CHN2: variants seen among roughly 807,000 people sequenced by gnomAD.
CHN2 encodes chimerin 2, also known as beta-chimaerin.
A neutral mutation model predicts 56.3 loss-of-function variants in CHN2; 35 were observed. The observed-to-expected ratio is 0.62, with a 90% CI of 0.47 to 0.82. The LOEUF (loss-of-function observed/expected upper bound fraction) is 0.82. CHN2 is among the 40% of genes least tolerant of loss of function. The pLI, the probability that CHN2 is intolerant of heterozygous loss-of-function variation, is 0.00. For synonymous variants in CHN2, 210 were observed against 212.8 expected, an observed-to-expected ratio of 0.99 and a Z score of 0.12; for missense variants, 491 against 580.5, an observed-to-expected ratio of 0.85 and a Z score of 1.58.
At chr7:29,331,854 G>A (rs1451918328) in intron 1 of CHN2, among the ~76,000 whole-genome samples, 1 of 151,956 alleles carries the variant, frequency 6.6e-6, no homozygotes, top group Non-Finnish European at 1.5e-5. Context: ...GAGGTCAGGA[G>A]TTTGAGACCA....
At chr7:29,181,897 A>G (rs1798103612) in intron 2 of CHN2, among the ~76,000 whole-genome samples, 1 of 152,156 alleles carries the variant, frequency 6.6e-6, no homozygotes, top group Admixed American at 6.5e-5. Flanking sequence ...TTCATGGTGG[A>G]GGGAATATGG....
chr7:29,504,732 T>C lies in CHN2; in HGVS notation c.914-12T>C. 1 of 1,571,172 alleles carries C rather than the reference T, an allele frequency of 6.4e-7. No homozygotes were observed. The highest frequency in any genetic ancestry group is 8.7e-7 in the Non-Finnish European group (1 of 1,146,586). On this transcript the variant is annotated splice_polypyrimidine_tract_variant and intron_variant, in intron 9 of 12. Coordinates refer to ENST00000222792, the MANE Select transcript of CHN2 (RefSeq NM_004067.4). ...AGAAGCTAAAGTCAGTCTCTCTCTC[T>C]CTCTCTAACAGGATTAAAATCGGAA... is the stretch of plus-strand genomic sequence containing the variant.
At chr7:29,298,496 T>C (rs1282299262) in intron 1 of CHN2, among the ~76,000 whole-genome samples, 1 of 152,214 alleles carries the variant, frequency 6.6e-6, no homozygotes, top group Admixed American at 6.5e-5. Flanking sequence ...TCTTGTGACA[T>C]GCCCAGGTAA....
intron 12 of CHN2, among the ~76,000 whole-genome samples, chr7:29,510,516 G>A (rs985836608): frequency 2.0e-5 from 3 of 152,176 alleles, no homozygotes; most frequent in Admixed American, 6.5e-5. Context: ...GTTGTTGGCA[G>A]GATTCAGTTC....
In CHN2 at chr7:29,387,827, C is replaced by T. The variant is rs985251745; in HGVS notation, c.145-5852C>T. Among the ~76,000 whole-genome samples the T allele has an allele frequency of 3.9e-5, 6 of 152,228 alleles. No individual in the cohort carries two copies. The East Asian group carries it at 5.8e-4, about 15-fold the overall frequency. ...TCAGGTCCAATTAGATAGTAACTTT[C>T]GAATCTTTGGTAATATCACTGCATT... On this transcript the variant is annotated intron_variant, in intron 3 of 12. Transcript: ENST00000222792.
intron 7 of CHN2, among the ~76,000 whole-genome samples, chr7:29,490,989 A>T (rs1267027521): frequency 6.6e-6 from 1 of 152,142 alleles, no homozygotes; most frequent in Non-Finnish European, 1.5e-5. Flanking sequence ...AATCATTATG[A>T]TTGTGGATTT....
intron 1 of CHN2, among the ~76,000 whole-genome samples, chr7:29,261,475 C>T (rs972667752): frequency 9.2e-5 from 14 of 151,858 alleles, no homozygotes; most frequent in Admixed American, 2.6e-4. Flanking sequence ...TGAGCTCCTG[C>T]TTACCACCCT....
intron 1 of CHN2, among the ~76,000 whole-genome samples, chr7:29,353,689 CT>C (rs1798065388): frequency 6.6e-6 from 1 of 152,128 alleles, no homozygotes; most frequent in Admixed American, 6.5e-5. Flanking sequence ...CGAGGGTAGT[CT>C]AAGGGCAGGC....
At chr7:29,483,630 G>T (rs981044865) in intron 7 of CHN2, among the ~76,000 whole-genome samples, 1 of 152,190 alleles carries the variant, frequency 6.6e-6, no homozygotes, top group Non-Finnish European at 1.5e-5. Flanking sequence ...CGGTTATTTA[G>T]CTCATTTTAT....
chr7:29,298,962 G>A (rs1237334500), intron 1 of CHN2, among the ~76,000 whole-genome samples: 7 of 152,170 alleles, frequency 4.6e-5, no homozygotes, highest in Admixed American at 3.9e-4. Context: ...AGTGCAGCAA[G>A]GATAACTATT....
chr7:29,343,521 T>C (rs1797198969), intron 1 of CHN2, among the ~76,000 whole-genome samples: 1 of 152,122 alleles, frequency 6.6e-6, no homozygotes, highest in Admixed American at 6.5e-5. Context: ...CCATACCCCA[T>C]TGCAAGGTCA....
At chr7:29,302,790 C>A (rs774006070) in intron 1 of CHN2, among the ~76,000 whole-genome samples, 1 of 152,152 alleles carries the variant, frequency 6.6e-6, no homozygotes, top group African/African-American at 2.4e-5. Flanking sequence ...ACCTGGCAGC[C>A]ACCATTCTAC....
At chr7:29,233,210 A>G (rs1157543107) in intron 1 of CHN2, among the ~76,000 whole-genome samples, 1 of 152,220 alleles carries the variant, frequency 6.6e-6, no homozygotes, top group South Asian at 2.1e-4. Context: ...TTTCTCTATA[A>G]TAGTGATAAT....
chr7:29,384,130 A>T (rs1184386018), intron 3 of CHN2, among the ~76,000 whole-genome samples: 1 of 152,196 alleles, frequency 6.6e-6, no homozygotes, highest in African/African-American at 2.4e-5. Flanking sequence ...AGGCTGAGCC[A>T]TTAGGTGTGA....
chr7:29,195,629 A>AGAGAGAGAGAGG (rs869037854), intron 1 of CHN2, among the ~76,000 whole-genome samples: 2 of 117,504 alleles, frequency 1.7e-5, no homozygotes, highest in African/African-American at 3.6e-5. Context: ...AGAGAGAGAG[A>AGAGAGAGAGAGG]GTGTGTGTGT....
At chr7:29,181,907 G>A (rs1453043825) in intron 2 of CHN2, among the ~76,000 whole-genome samples, 1 of 152,150 alleles carries the variant, frequency 6.6e-6, no homozygotes, top group Non-Finnish European at 1.5e-5. Context: ...AGGGAATATG[G>A]ATGATTTCTT....
At chr7:29,320,347 C>G (rs1389981841) in intron 1 of CHN2, among the ~76,000 whole-genome samples, 1 of 152,080 alleles carries the variant, frequency 6.6e-6, no homozygotes, top group Non-Finnish European at 1.5e-5. Flanking sequence ...TTTGTCACCC[C>G]CTCGCCCCCT....
chr7:29,414,300 A>G lies in CHN2; in HGVS notation c.576+13472A>G, dbSNP rs532568937. On this transcript the variant is annotated intron_variant, in intron 6 of 12. Transcript: ENST00000222792. Reference sequence around the variant, plus strand: ...ACTCTGGGATTGTAAAATGATATACATGGAGATTTTAATGCATTGGATTTT... The same window carrying G: ...ACTCTGGGATTGTAAAATGATATACGTGGAGATTTTAATGCATTGGATTTT... Among the ~76,000 whole-genome samples, 9 of 152,322 alleles carry G rather than the reference A, an allele frequency of 5.9e-5. No individual in the cohort carries two copies. In the South Asian group the frequency reaches 8.3e-4, roughly 14 times the overall value.
intron 1 of CHN2, among the ~76,000 whole-genome samples, chr7:29,262,138 A>G (rs761331801): frequency 6.6e-4 from 100 of 152,322 alleles, no homozygotes; most frequent in Non-Finnish European, 9.9e-4. Flanking sequence ...ACTGTATTCC[A>G]GCCTGGGTGA....
Sources: gnomAD v4.1 joint callset for allele counts (sites outside exome capture counted in the v4.1 genomes callset) on GRCh38, gnomAD v4.1.1 for gene constraint, MANE v1.5 for transcripts, NCBI Gene and HGNC (gene_info 2026-07-23, HGNC 2026-07-21) for gene names.